The following FAM186A variants were observed in gnomAD, a reference collection of about 807,000 sequenced individuals.
FAM186A encodes protein FAM186A.
In FAM186A, 163 loss-of-function variants were observed where a neutral mutation model predicts 216.8. That is an observed-to-expected ratio of 0.75 (90% CI 0.66 to 0.86). FAM186A has a LOEUF of 0.86. Among genes scored for constraint, FAM186A ranks in the 40% least tolerant of loss-of-function variants. The pLI, the probability that FAM186A is intolerant of heterozygous loss-of-function variation, is 0.00. For missense variants in FAM186A, 2,184 were observed against 2,746.2 expected, an observed-to-expected ratio of 0.80 and a Z score of 4.58; for synonymous variants, 805 against 1,025.3, an observed-to-expected ratio of 0.79 and a Z score of 4.10.
intron 7 of FAM186A, 48 bp downstream of exon 7, chr12:50,330,525 A>G: frequency 6.6e-7 from 1 of 1,525,232 alleles, no homozygotes; most frequent in South Asian, 1.3e-5. Context: ...ACCAAAAGGT[A>G]TATGATCAAA....
chr12:50,393,003 T>C (rs886686614), intron 1 of FAM186A, among the ~76,000 whole-genome samples: 17 of 150,540 alleles, frequency 1.1e-4, no homozygotes, highest in Non-Finnish European at 2.4e-4. Flanking sequence ...CTTGGCTCAC[T>C]GCAAGCTCTG....
chr12:50,396,210 T>A (rs1943411356), intron 1 of FAM186A, 83 bp downstream of exon 1: 1 of 1,310,794 alleles, frequency 7.6e-7, no homozygotes, highest in East Asian at 2.6e-5. Context: ...TGAAAGTGAT[T>A]TCTAAAATAA....
chr12:50,346,681 A>T (rs901460997), intron 4 of FAM186A, among the ~76,000 whole-genome samples: 5 of 151,876 alleles, frequency 3.3e-5, no homozygotes, highest in African/African-American at 7.3e-5. Context: ...CCCCGTCTCT[A>T]CTAAAAATAC....
chr12:50,380,506 T>C lies in FAM186A; in HGVS notation c.192+15787A>G, dbSNP rs1187765226. 5.1e-5 allele frequency among the ~76,000 whole-genome samples: 6 copies of C among 117,710 alleles called. No homozygotes were observed. In the Admixed American group the frequency reaches 5.2e-4, roughly 10 times the overall value. The allele number at this position is 117,710 out of a possible 152,430, so 77.2% of individuals were successfully genotyped here. The stretch of plus-strand genomic sequence containing the variant: ...GCCTGGCCAACATGATGAAACCCTG[T>C]CTCTACTAAAAATACAAAAAAAAAA... On this transcript the variant is annotated intron_variant, in intron 1 of 7. Transcript: ENST00000327337.
At chr12:50,335,610 C>T (rs973620906) in intron 4 of FAM186A, among the ~76,000 whole-genome samples, 14 of 151,504 alleles carry the variant, frequency 9.2e-5, no homozygotes, top group Admixed American at 5.9e-4. Flanking sequence ...TGCCACTGCA[C>T]TCCAGCCTGG....
chr12:50,331,101 T>G (rs1244227354), intron 6 of FAM186A, among the ~76,000 whole-genome samples: 1 of 152,210 alleles, frequency 6.6e-6, no homozygotes, highest in Non-Finnish European at 1.5e-5. Flanking sequence ...GCTTCTAAGT[T>G]TCTTTATTAA....
chr12:50,346,994 T>G, intron 4 of FAM186A, among the ~76,000 whole-genome samples: 1 of 45,328 alleles, frequency 2.2e-5, no homozygotes, highest in South Asian at 1.1e-3. Flanking sequence ...TAAGACTCTG[T>G]CTCAAAAAAA....
At chr12:50,365,670 G>A (rs574105844) in intron 1 of FAM186A, 2 of 709,084 alleles carry the variant, frequency 2.8e-6, no homozygotes, top group East Asian at 4.9e-5. Flanking sequence ...CAGTCCCTTT[G>A]TGACTTCCGA....
chr12:50,364,558 A>AAAAT (rs35338132), intron 1 of FAM186A, among the ~76,000 whole-genome samples: 90,776 of 144,392 alleles, frequency 0.63, 29,265 homozygotes, highest in East Asian at 0.73. Flanking sequence ...ACACTGTCTA[A>AAAAT]AAATAAATAA....
intron 1 of FAM186A, among the ~76,000 whole-genome samples, chr12:50,378,402 C>T (rs1025060972): frequency 2.7e-5 from 4 of 149,250 alleles, no homozygotes; most frequent in Non-Finnish European, 5.9e-5. Flanking sequence ...CAGTGGCAGG[C>T]GCCTGTAATC....
At chr12:50,329,348 G>A (rs1272995291) in intron 7 of FAM186A, among the ~76,000 whole-genome samples, 1 of 151,826 alleles carries the variant, frequency 6.6e-6, no homozygotes, top group Admixed American at 6.6e-5. Context: ...TAATTTAATC[G>A]CTATAAAAGG....
chr12:50,353,686 G>A lies in FAM186A; in HGVS notation c.3146C>T (p.Thr1049Ile). 1 of 1,537,944 alleles carries A rather than the reference G, an allele frequency of 6.5e-7. No individual in the cohort carries two copies. Among genetic ancestry groups the A allele is most frequent in the Non-Finnish European group, 8.8e-7 (1 of 1,142,248 alleles). Residue 1049 changes from threonine (T) to isoleucine (I), a missense_variant, in exon 4 of 8, where the codon ACA becomes ATA. By Grantham distance (89) the Thr-to-Ile change is moderately conservative. Around this residue, in one of 7 missense-constraint regions of FAM186A, gnomAD observed 1,132 missense variants for 1,263.4 expected, o/e 0.90. Coordinates refer to ENST00000327337, the MANE Select transcript of FAM186A (RefSeq NM_001145475.3). ...LPDEKEPISI[T>I]PPPSLQYSLP... is the part of the protein sequence containing the mutation. ...GGAGTATTGTAGGGAGGGGGGAGGT[G>A]TGATTGATATGGGCTCCTTTTCATC... is the stretch of plus-strand genomic sequence containing the variant.
At chr12:50,337,286 ATTC>A (rs1186562827) in intron 4 of FAM186A, among the ~76,000 whole-genome samples, 5 of 109,460 alleles carry the variant, frequency 4.6e-5, no homozygotes, top group African/African-American at 1.9e-4. Flanking sequence ...TTTAGAGATA[ATTC>A]TTTTTTTTTT....
intron 3 of FAM186A, among the ~76,000 whole-genome samples, chr12:50,358,651 G>A (rs1354503966): frequency 6.6e-6 from 1 of 151,986 alleles, no homozygotes; most frequent in African/African-American, 2.4e-5. Flanking sequence ...TCGGCCAGGC[G>A]CAGTGGCTCA....
rs550773185 is a variant in FAM186A, at chr12:50,373,944, A to G, written c.193-10580T>C. Reference sequence around the variant, plus strand: ...AGACTGGATTAAGAAAATGTGGCACATATACACCATGGAATACTATGCAGC... The same window carrying G: ...AGACTGGATTAAGAAAATGTGGCACGTATACACCATGGAATACTATGCAGC... On this transcript the variant is annotated intron_variant, in intron 1 of 7. Transcript: ENST00000327337. Among the ~76,000 whole-genome samples, 571 of 152,066 alleles carry G rather than the reference A, an allele frequency of 3.8e-3. 3 individuals are homozygous for G. The highest frequency in any genetic ancestry group is 0.013 in the African/African-American group (536 of 41,486).
rs1942913694 is a variant in FAM186A, at chr12:50,352,802, C to T, written c.4030G>A (p.Ala1344Thr). 3 of 1,548,052 alleles carry T rather than the reference C, an allele frequency of 1.9e-6. No homozygotes were observed. Among genetic ancestry groups the T allele is most frequent in the Non-Finnish European group, 2.6e-6 (3 of 1,145,812 alleles). The change falls in exon 4 of 8, where the codon GCC becomes ACC. Residue 1344 changes from alanine (A) to threonine (T), a missense_variant. By Grantham distance (58) the Ala-to-Thr change is moderately conservative (BLOSUM62 0). Transcript: ENST00000327337. ...GTGAGAGGCATCCCCAAGGCCTGGG[C>T]CTGCTGAGGGGTGAGAGTGATCTCC... ...TQEITLTPQQ[A>T]QALGMPLTTQ...
intron 1 of FAM186A, among the ~76,000 whole-genome samples, chr12:50,364,700 A>C (rs982993332): frequency 5.9e-5 from 9 of 152,068 alleles, no homozygotes; most frequent in Non-Finnish European, 1.0e-4. Flanking sequence ...CCATGCATTC[A>C]AGACCAGCCT....
At chr12:50,333,885 G>T in intron 5 of FAM186A, 26 bp downstream of exon 5, 1 of 1,543,008 alleles carries the variant, frequency 6.5e-7, no homozygotes, top group South Asian at 1.2e-5. Flanking sequence ...CAACATGCTG[G>T]ACAGAGGGAG....
intron 4 of FAM186A, among the ~76,000 whole-genome samples, chr12:50,338,728 TA>T (rs1356512243): frequency 1.3e-5 from 2 of 151,984 alleles, no homozygotes; most frequent in Non-Finnish European, 2.9e-5. Flanking sequence ...AATGGATTTT[TA>T]AAAATTCACT....
Sources: allele counts gnomAD v4.1 joint callset (sites outside exome capture counted in the v4.1 genomes callset), GRCh38; gene constraint gnomAD v4.1.1; regional missense constraint gnomAD v4.1.1; transcripts MANE v1.5; gene names NCBI Gene and HGNC (gene_info 2026-07-23, HGNC 2026-07-21).